The following KIF5C variants were observed in gnomAD, a reference collection of about 807,000 sequenced individuals.
The protein encoded by KIF5C is kinesin heavy chain isoform 5C.
In KIF5C, 18 loss-of-function variants were observed where a neutral mutation model predicts 125.2. The observed-to-expected ratio is 0.14, with a 90% confidence interval of 0.10 to 0.21. The LOEUF (loss-of-function observed/expected upper bound fraction) is 0.21. KIF5C is among the 10% of genes least tolerant of loss of function. The probability of loss-of-function intolerance (pLI) is 1.00; values close to 1 mark genes in which losing one functional copy is unlikely to be tolerated. For missense variants in KIF5C, 780 were observed against 1,183.8 expected (o/e 0.66, Z 5.01); for synonymous variants, 405 against 434.0 (o/e 0.93, Z 0.83).
At chr2:148,953,985 C>T (rs1287153409) in intron 10 of KIF5C, among the ~76,000 whole-genome samples, 1 of 152,108 alleles carries the variant, frequency 6.6e-6, no homozygotes, top group Non-Finnish European at 1.5e-5. Context: ...CACCCATCAA[C>T]CCGTCACCTA....
chr2:148,942,568 A>G (rs1309744847), intron 6 of KIF5C, 105 bp from the exon 7 acceptor site: 36 of 1,507,374 alleles, frequency 2.4e-5, no homozygotes, highest in Non-Finnish European at 2.7e-5. Flanking sequence ...CAGCCTTTCT[A>G]TTTATCTGCA....
chr2:148,995,174 C>A (rs1241755962), intron 17 of KIF5C, among the ~76,000 whole-genome samples: 1 of 152,216 alleles, frequency 6.6e-6, no homozygotes, highest in Admixed American at 6.5e-5. Context: ...TCCAGGTTAA[C>A]TAAGGACTGT....
At chr2:149,014,960 G>C (rs1682318851) in intron 25 of KIF5C, among the ~76,000 whole-genome samples, 1 of 152,120 alleles carries the variant, frequency 6.6e-6, no homozygotes, top group African/African-American at 2.4e-5. Flanking sequence ...AGCTGAGGTG[G>C]GCAGATCACT....
At position 149,014,302 on chromosome 2, in the gene KIF5C, A is replaced by G. The variant is rs535531826; in HGVS notation, c.*7+2619A>G. 1.2e-4 allele frequency among the ~76,000 whole-genome samples: 19 copies of G among 152,348 alleles called. 1 individual carries two copies. The South Asian group carries it at 3.9e-3, about 32-fold the overall frequency. On this transcript the variant is annotated intron_variant, in intron 25 of 25. Coordinates refer to ENST00000435030, the MANE Select transcript of KIF5C (RefSeq NM_004522.3). ...CAGCTTCCCAAAGTGCTGGGATTAC[A>G]AGCGTGAGCTACTGCACCCAGCTGG...
rs914542140 is a variant in KIF5C, at chr2:148,876,657, C to T, written c.126+914C>T. ...CTTAGCTCCCTCTCTGCAGCTGGGG[C>T]TGCTGGTAGGGGGAGGGAACACCAA... On this transcript the variant is annotated intron_variant, in intron 1 of 25. Transcript: ENST00000435030. This position sits in a 1 kb window ranked among gnomAD's most constrained non-coding sequence, Gnocchi z 4.7. Among the ~76,000 whole-genome samples the T allele has an allele frequency of 2.0e-5, 3 of 152,082 alleles. No individual in the cohort carries two copies. Among genetic ancestry groups the T allele is most frequent in the Admixed American group, 1.3e-4 (2 of 15,280 alleles).
intron 3 of KIF5C, among the ~76,000 whole-genome samples, chr2:148,934,845 C>T (rs1341832521): frequency 1.3e-5 from 2 of 151,962 alleles, no homozygotes; most frequent in African/African-American, 2.4e-5. Flanking sequence ...ATATCACACA[C>T]AGACATATAC....
At chr2:148,961,384 A>G (rs1294044667) in intron 10 of KIF5C, among the ~76,000 whole-genome samples, 1 of 152,088 alleles carries the variant, frequency 6.6e-6, no homozygotes, top group Non-Finnish European at 1.5e-5. Flanking sequence ...CCTATGAGGC[A>G]TGTGTTGATG....
intron 1 of KIF5C, among the ~76,000 whole-genome samples, chr2:148,918,473 T>C (rs1172102383): frequency 5.9e-5 from 9 of 152,204 alleles, no homozygotes; most frequent in Admixed American, 5.9e-4. Context: ...GGTAATGTAA[T>C]AGAGAGTGAT....
At chr2:148,901,313 T>C (rs954566431) in intron 1 of KIF5C, among the ~76,000 whole-genome samples, 1 of 151,974 alleles carries the variant, frequency 6.6e-6, no homozygotes, top group African/African-American at 2.4e-5. Flanking sequence ...AGAGGAACAA[T>C]TAGGGATGTA....
At chr2:148,885,797 G>C (rs1030165918) in intron 1 of KIF5C, 15 of 152,162 alleles carry the variant, frequency 9.9e-5, no homozygotes, top group Non-Finnish European at 2.1e-4. Context: ...TGGCTGCAGG[G>C]TATGTTCTTA....
intron 7 of KIF5C, among the ~76,000 whole-genome samples, chr2:148,945,254 T>G (rs1682494852): frequency 6.6e-6 from 1 of 152,196 alleles, no homozygotes; most frequent in Non-Finnish European, 1.5e-5. Context: ...TCTAAGAGTT[T>G]TATAGTTTTA....
At chr2:148,885,583 A>T (rs903322280) in intron 1 of KIF5C, 3 of 152,234 alleles carry the variant, frequency 2.0e-5, no homozygotes, top group African/African-American at 7.2e-5. Context: ...AACGCTGGAA[A>T]ATACGTCCAC....
chr2:149,010,530 A>G (rs1682160083), intron 24 of KIF5C, among the ~76,000 whole-genome samples, 179 bp downstream of exon 24: 1 of 152,216 alleles, frequency 6.6e-6, no homozygotes, highest in Non-Finnish European at 1.5e-5. Flanking sequence ...TGGGAATGTC[A>G]GGCGCCCCCG....
intron 1 of KIF5C, among the ~76,000 whole-genome samples, chr2:148,899,710 A>C (rs1318270389): frequency 4.0e-5 from 6 of 151,524 alleles, no homozygotes. Context: ...CTCAAAAAAA[A>C]AAAAAAAAAA....
intron 21 of KIF5C, among the ~76,000 whole-genome samples, chr2:149,002,621 C>T (rs531492487): frequency 1.3e-5 from 2 of 152,320 alleles, no homozygotes; most frequent in African/African-American, 4.8e-5. Flanking sequence ...CCCTCACTCC[C>T]CTTGCTTGCC....
At chr2:148,999,948 A>G (rs1204730871) in intron 19 of KIF5C, 1 of 153,662 alleles carries the variant, frequency 6.5e-6, no homozygotes, top group African/African-American at 2.4e-5. Context: ...CTCTGTGCCC[A>G]CTCCTCGAGG....
At chr2:148,954,195 T>TG (rs2105119524) in intron 10 of KIF5C, among the ~76,000 whole-genome samples, 1 of 152,282 alleles carries the variant, frequency 6.6e-6, no homozygotes, top group South Asian at 2.1e-4. Context: ...CAGTCGGGGT[T>TG]GTTTCCTTTA....
chr2:148,964,547 T>A (rs1399758962), intron 11 of KIF5C, among the ~76,000 whole-genome samples: 1 of 152,066 alleles, frequency 6.6e-6, no homozygotes. Flanking sequence ...AAATGTATGA[T>A]GGTAGTCCAC....
chr2:148,947,582 C>T (rs1682549258), intron 8 of KIF5C: 1 of 250,426 alleles, frequency 4.0e-6, no homozygotes, highest in African/African-American at 2.3e-5. Flanking sequence ...GCCTCAGCGG[C>T]AAGCCTTTAC....
Sources: gnomAD v4.1 joint callset for allele counts (sites outside exome capture counted in the v4.1 genomes callset) on GRCh38, gnomAD v4.1.1 for gene constraint, Gnocchi (gnomAD v3.1) non-coding constraint, MANE v1.5 for transcripts, NCBI Gene and HGNC (gene_info 2026-07-23, HGNC 2026-07-21) for gene names.